Variants in CPNE8 observed in about 807,000 individuals in gnomAD.
CPNE8 encodes the protein copine-8.
A neutral mutation model predicts 81.5 loss-of-function variants in CPNE8; 45 were observed. The observed-to-expected ratio is 0.55, with a 90% CI of 0.44 to 0.71. CPNE8 has a LOEUF of 0.71. CPNE8 is among the 30% of genes least tolerant of loss of function. The probability of loss-of-function intolerance (pLI) is 0.00; values close to 1 mark genes in which losing one functional copy is unlikely to be tolerated. For missense variants in CPNE8, 594 were observed against 672.1 expected, an observed-to-expected ratio of 0.88 and a Z score of 1.28; for synonymous variants, 252 against 226.3, an observed-to-expected ratio of 1.11 and a Z score of -1.02.
intron 12 of CPNE8, among the ~76,000 whole-genome samples, chr12:38,724,571 T>C (rs889609762): frequency 6.6e-6 from 1 of 152,294 alleles, no homozygotes; most frequent in South Asian, 2.1e-4. Context: ...TTCCACTGAA[T>C]GAAGAGTTCA....
chr12:38,657,829 C>T (rs1454385344), intron 19 of CPNE8, among the ~76,000 whole-genome samples: 2 of 152,162 alleles, frequency 1.3e-5, no homozygotes, highest in African/African-American at 4.8e-5. Context: ...GGATAACTAA[C>T]AAACAGAAAG....
chr12:38,694,957 T>G (rs1939760750), intron 14 of CPNE8, among the ~76,000 whole-genome samples: 1 of 152,368 alleles, frequency 6.6e-6, no homozygotes, highest in Non-Finnish European at 1.5e-5. Context: ...CATAATATTT[T>G]TGTCCTAAAA....
rs144905246 is a variant in CPNE8, at chr12:38,710,480, C to A, written c.915-7559G>T. 4.4e-3 allele frequency among the ~76,000 whole-genome samples: 671 copies of A among 152,132 alleles called. 1 individual carries two copies. The highest frequency in any genetic ancestry group is 7.8e-3 in the Non-Finnish European group (528 of 67,986). ...TGCAAAACTATCAAATCTCTGGGTC[C>A]TAGTTTTCTCATATGACAGACAGGT... On this transcript the variant is annotated intron_variant, in intron 13 of 19. Transcript: ENST00000331366.
rs1462608545 is a variant in CPNE8, at chr12:38,848,508, T to TTAGTCTTTA, written c.290+50_290+51insTAAAGACTA. On this transcript the variant is annotated intron_variant, in intron 4 of 19. Transcript: ENST00000331366. The stretch of plus-strand genomic sequence containing the variant: ...ATAGGACCCTGCCTTACATTAGTAA[T>TTAGTCTTTA]ATTGTCTTTAAAATCAAATTTTTCT... The TTAGTCTTTA allele has an allele frequency of 2.0e-6, 3 of 1,521,846 alleles. 1 individual carries two copies. The South Asian group carries it at 3.9e-5, about 20-fold the overall frequency. The allele number at this position is 1,521,846 out of a possible 1,614,324, so 94.3% of individuals were successfully genotyped here.
At chr12:38,731,753 G>GA (rs983274867) in intron 10 of CPNE8, among the ~76,000 whole-genome samples, 7 of 151,780 alleles carry the variant, frequency 4.6e-5, no homozygotes, top group African/African-American at 1.7e-4. Flanking sequence ...GTTACCCAGG[G>GA]AAAAATCACA....
chr12:38,896,495 T>C (rs1379093269), intron 1 of CPNE8, among the ~76,000 whole-genome samples: 1 of 152,154 alleles, frequency 6.6e-6, no homozygotes, highest in East Asian at 1.9e-4. Flanking sequence ...TCAGCCTGTA[T>C]TGGCAACTAC....
At chr12:38,881,265 C>T (rs1307683461) in intron 1 of CPNE8, among the ~76,000 whole-genome samples, 2 of 151,530 alleles carry the variant, frequency 1.3e-5, no homozygotes, top group African/African-American at 2.4e-5. Context: ...AAGCCGAAGT[C>T]AGCTAGCATC....
chr12:38,807,430 C>A (rs1285823532), intron 6 of CPNE8, among the ~76,000 whole-genome samples: 2 of 151,648 alleles, frequency 1.3e-5, no homozygotes, highest in East Asian at 3.9e-4. Context: ...CAGAACAGAG[C>A]CCTCAGAAAT....
intron 6 of CPNE8, among the ~76,000 whole-genome samples, chr12:38,786,792 G>A (rs2136918451): frequency 6.6e-6 from 1 of 152,142 alleles, no homozygotes; most frequent in South Asian, 2.1e-4. Context: ...AGGGAGTCTA[G>A]CAATTTTAAA....
intron 3 of CPNE8, among the ~76,000 whole-genome samples, chr12:38,867,360 G>GAC (rs1300525006): frequency 2.0e-5 from 3 of 151,844 alleles, no homozygotes; most frequent in Admixed American, 2.0e-4. Context: ...GAGAGAGAGA[G>GAC]AGAGAGAGAC....
In CPNE8 at chr12:38,831,058, C is replaced by G. The variant is rs886290217; in HGVS notation, c.331-1603G>C. Among the ~76,000 whole-genome samples the G allele has an allele frequency of 2.6e-5, 4 of 152,126 alleles. No individual in the cohort carries two copies. The South Asian group carries it at 8.3e-4, about 31-fold the overall frequency. ...AAGAGGAGGAAAAGATATCTGTAGA[C>G]TAGCATAGTCAAGGGAACATTTTCC... is the stretch of plus-strand genomic sequence containing the variant. On this transcript the variant is annotated intron_variant, in intron 5 of 19. Coordinates refer to ENST00000331366, the MANE Select transcript of CPNE8 (RefSeq NM_153634.3).
chr12:38,878,066 C>T (rs916481545), intron 1 of CPNE8, among the ~76,000 whole-genome samples: 3 of 152,176 alleles, frequency 2.0e-5, no homozygotes, highest in Admixed American at 6.5e-5. Flanking sequence ...TTACAAATGC[C>T]ATGGCAACAT....
chr12:38,722,191 T>C (rs1366574337), intron 13 of CPNE8, among the ~76,000 whole-genome samples: 4 of 152,148 alleles, frequency 2.6e-5, no homozygotes, highest in Non-Finnish European at 4.4e-5. Context: ...AAAATATATT[T>C]TTATGACAAA....
At chr12:38,796,274 G>T (rs1179034154) in intron 6 of CPNE8, among the ~76,000 whole-genome samples, 1 of 151,678 alleles carries the variant, frequency 6.6e-6, no homozygotes, top group Non-Finnish European at 1.5e-5. Flanking sequence ...GAGAGAGAGT[G>T]GGACTCCATC....
intron 6 of CPNE8, among the ~76,000 whole-genome samples, chr12:38,812,180 G>T (rs1466668271): frequency 1.3e-5 from 2 of 152,222 alleles, no homozygotes; most frequent in Non-Finnish European, 2.9e-5. Flanking sequence ...AAAAAGGTGA[G>T]TACAAATAGG....
At chr12:38,883,175 A>G (rs938692857) in intron 1 of CPNE8, among the ~76,000 whole-genome samples, 1 of 152,210 alleles carries the variant, frequency 6.6e-6, no homozygotes, top group African/African-American at 2.4e-5. Context: ...AAGTTAATCA[A>G]ATTCAGAGAG....
At chr12:38,723,678 T>C in intron 13 of CPNE8, 94 bp downstream of exon 13, 1 of 778,386 alleles carries the variant, frequency 1.3e-6, no homozygotes, top group Non-Finnish European at 2.3e-6. Context: ...ATAATAAAGG[T>C]GATCATTTCA....
At chr12:38,743,171 A>G (rs1244672496) in intron 10 of CPNE8, among the ~76,000 whole-genome samples, 1 of 152,072 alleles carries the variant, frequency 6.6e-6, no homozygotes, top group Non-Finnish European at 1.5e-5. Context: ...CCCGTTTATG[A>G]CCTTATTTAT....
intron 6 of CPNE8, among the ~76,000 whole-genome samples, chr12:38,781,592 C>A (rs1942054292): frequency 2.6e-5 from 4 of 151,940 alleles, no homozygotes; most frequent in African/African-American, 9.7e-5. Flanking sequence ...GATATAGTAA[C>A]CTCAATACTG....
Sources: gnomAD v4.1 joint callset for allele counts (sites outside exome capture counted in the v4.1 genomes callset) on GRCh38, gnomAD v4.1.1 for gene constraint, MANE v1.5 for transcripts, NCBI Gene and HGNC (gene_info 2026-07-23, HGNC 2026-07-21) for gene names.